RABGAP1L: variants seen among roughly 807,000 people sequenced by gnomAD.
RABGAP1L encodes RAB GTPase activating protein 1 like.
A neutral mutation model predicts 137.7 loss-of-function variants in RABGAP1L; 63 were observed. The ratio of observed to expected loss-of-function variants is 0.46; its 90% CI spans 0.37 to 0.56. The LOEUF (loss-of-function observed/expected upper bound fraction) is 0.56, where lower values mean the gene tolerates loss of function less well. Among genes scored for constraint, RABGAP1L ranks in the 20% least tolerant of loss-of-function variants. The pLI is 0.00. For missense variants in RABGAP1L, 1,095 were observed against 1,244.0 expected (o/e 0.88, Z 1.80); for synonymous variants, 431 against 433.7 (o/e 0.99, Z 0.08).
intron 13 of RABGAP1L, among the ~76,000 whole-genome samples, chr1:174,603,147 C>G (rs938599922): frequency 3.9e-5 from 6 of 152,152 alleles, no homozygotes; most frequent in Admixed American, 3.3e-4. Flanking sequence ...TCTTTGATCA[C>G]TACAGCTATA....
chr1:174,450,034 A>G (rs1655253220), intron 13 of RABGAP1L, among the ~76,000 whole-genome samples: 1 of 152,110 alleles, frequency 6.6e-6, no homozygotes, highest in South Asian at 2.1e-4. Flanking sequence ...AGCTTATTAA[A>G]TATTTTTAAT....
intron 11 of RABGAP1L, among the ~76,000 whole-genome samples, chr1:174,335,426 A>G (rs1681395425): frequency 6.6e-6 from 1 of 152,244 alleles, no homozygotes; most frequent in Admixed American, 6.5e-5. Context: ...CTAAAGTAAA[A>G]TGAATTAAGG....
At chr1:174,173,238 C>T (rs980145533) in intron 1 of RABGAP1L, among the ~76,000 whole-genome samples, 1 of 151,692 alleles carries the variant, frequency 6.6e-6, no homozygotes, top group African/African-American at 2.4e-5. Flanking sequence ...TCCAGTGATT[C>T]TCCTGCCTCA....
rs1385607344 is a variant in RABGAP1L at position 174,595,861 on chromosome 1, C to T, written c.1711-41514C>T. Among the ~76,000 whole-genome samples the T allele has an allele frequency of 4.8e-5, 5 of 105,202 alleles. 1 individual carries two copies. The highest frequency in any genetic ancestry group is 9.4e-5 in the Admixed American group (1 of 10,690). The allele number at this position is 105,202 out of a possible 152,430, so 69.0% of individuals were successfully genotyped here. A position where few individuals can be genotyped will look rare whatever the true frequency, so the allele number is the denominator to read the frequency against. ...GAGCCTACAGAGGCAGGCAGGCCTC[C>T]TTGAGCTGTGGTGGGCTCCACCCAG... On this transcript the variant is annotated intron_variant, in intron 13 of 25. Coordinates refer to ENST00000681986, the MANE Select transcript of RABGAP1L (RefSeq NM_001366446.1).
chr1:174,771,496 A>T (rs1453928133), intron 18 of RABGAP1L, among the ~76,000 whole-genome samples: 2 of 152,244 alleles, frequency 1.3e-5, no homozygotes, highest in Non-Finnish European at 2.9e-5. Flanking sequence ...TTTACAGAAC[A>T]ATATAATAAA....
intron 13 of RABGAP1L, among the ~76,000 whole-genome samples, chr1:174,539,800 T>A (rs1234785098): frequency 6.6e-6 from 1 of 152,192 alleles, no homozygotes; most frequent in Non-Finnish European, 1.5e-5. Flanking sequence ...TCCTTCGGGT[T>A]TATACCCAGT....
Position 174,218,578 on chromosome 1 carries a change from G to A in RABGAP1L, c.-33-547G>A, listed in dbSNP as rs531285265. ...TTTTGGTGTTAATAAGTGATAATGT[G>A]TCAGGAAAGAGAAGCTATATGTCTT... is the stretch of plus-strand genomic sequence containing the variant. On this transcript the variant is annotated intron_variant, in intron 1 of 25. Coordinates refer to ENST00000681986, the MANE Select transcript of RABGAP1L (RefSeq NM_001366446.1). 1.2e-4 allele frequency among the ~76,000 whole-genome samples: 19 copies of A among 152,242 alleles called. No homozygotes were observed. In the South Asian group the frequency reaches 3.9e-3, roughly 32 times the overall value.
chr1:174,848,467 G>A (rs1647446116), intron 19 of RABGAP1L, among the ~76,000 whole-genome samples: 1 of 148,104 alleles, frequency 6.8e-6, no homozygotes, highest in Non-Finnish European at 1.5e-5. Context: ...TCAGCTGCAG[G>A]TCTGTTGGAA....
chr1:174,254,858 T>C (rs1187069018), intron 7 of RABGAP1L, among the ~76,000 whole-genome samples: 1 of 152,202 alleles, frequency 6.6e-6, no homozygotes, highest in Non-Finnish European at 1.5e-5. Flanking sequence ...TACGCAGTAA[T>C]GGGATTGCTG....
At chr1:174,162,775 C>CTTTTT (rs1571316527) in intron 1 of RABGAP1L, among the ~76,000 whole-genome samples, 9 of 23,442 alleles carry the variant, frequency 3.8e-4, no homozygotes, top group South Asian at 1.6e-3. Context: ...TTTTCTCTTT[C>CTTTTT]TGTTTTTTTT....
At chr1:174,423,006 G>A (rs1651521402) in intron 13 of RABGAP1L, among the ~76,000 whole-genome samples, 1 of 149,910 alleles carries the variant, frequency 6.7e-6, no homozygotes, top group African/African-American at 2.5e-5. Flanking sequence ...AGTGAATAGT[G>A]ACATTTTTTA....
At chr1:174,253,766 G>A (rs762911372) in intron 7 of RABGAP1L, among the ~76,000 whole-genome samples, 43 of 152,050 alleles carry the variant, frequency 2.8e-4, no homozygotes, top group Admixed American at 9.2e-4. Flanking sequence ...AAACAACAAA[G>A]GATGTTTATT....
chr1:174,292,911 G>A (rs1292742435), intron 10 of RABGAP1L, among the ~76,000 whole-genome samples: 1 of 152,056 alleles, frequency 6.6e-6, no homozygotes, highest in African/African-American at 2.4e-5. Context: ...ACTTTACATG[G>A]ATTAATTTGT....
At chr1:174,295,261 T>G (rs1360443677) in intron 10 of RABGAP1L, among the ~76,000 whole-genome samples, 2 of 150,814 alleles carry the variant, frequency 1.3e-5, no homozygotes, top group African/African-American at 4.9e-5. Flanking sequence ...TTGTACATGC[T>G]GGAGTGGTGT....
At chr1:174,586,691 G>A (rs1431082134) in intron 13 of RABGAP1L, among the ~76,000 whole-genome samples, 1 of 152,042 alleles carries the variant, frequency 6.6e-6, no homozygotes, top group Non-Finnish European at 1.5e-5. Flanking sequence ...TCCACCTCCC[G>A]AGTTCAAGCA....
chr1:174,363,929 A>G lies in RABGAP1L; in HGVS notation c.1466-7050A>G, dbSNP rs1000444790. 7.5e-5 allele frequency among the ~76,000 whole-genome samples: 11 copies of G among 146,198 alleles called. No homozygotes were observed. The East Asian group carries it at 2.1e-3, about 29-fold the overall frequency. Reference sequence around the variant, plus strand: ...TCATGATGAATGATTCTTTTAATGTATTGTTGAATTCATGTTTGCTTGTAT... The same window carrying G: ...TCATGATGAATGATTCTTTTAATGTGTTGTTGAATTCATGTTTGCTTGTAT... On this transcript the variant is annotated intron_variant, in intron 11 of 25. Coordinates refer to ENST00000681986, the MANE Select transcript of RABGAP1L (RefSeq NM_001366446.1).
intron 13 of RABGAP1L, among the ~76,000 whole-genome samples, chr1:174,507,371 C>G (rs1395026908): frequency 6.6e-6 from 1 of 151,908 alleles, no homozygotes; most frequent in East Asian, 1.9e-4. Context: ...CATAATTCAC[C>G]AAATACTGTA....
intron 19 of RABGAP1L, among the ~76,000 whole-genome samples, chr1:174,869,659 A>G (rs1651867728): frequency 6.6e-6 from 1 of 152,222 alleles, no homozygotes; most frequent in African/African-American, 2.4e-5. Flanking sequence ...TGTCACTGCT[A>G]TAGACTGAAT....
intron 19 of RABGAP1L, among the ~76,000 whole-genome samples, chr1:174,882,704 C>A (rs774301982): frequency 6.6e-6 from 1 of 152,156 alleles, no homozygotes; most frequent in Non-Finnish European, 1.5e-5. Context: ...AATAAGGAAG[C>A]CAAGCATAAC....
Sources: allele counts gnomAD v4.1 joint callset (sites outside exome capture counted in the v4.1 genomes callset), GRCh38; gene constraint gnomAD v4.1.1; transcripts MANE v1.5; gene names NCBI Gene and HGNC (gene_info 2026-07-23, HGNC 2026-07-21).